Variants in CTDP1 observed in about 807,000 individuals in gnomAD.
The protein encoded by CTDP1 is RNA polymerase II subunit A C-terminal domain phosphatase.
In CTDP1, 47 loss-of-function variants were observed where a neutral mutation model predicts 91.8. That is an observed-to-expected ratio of 0.51 (90% confidence interval 0.41 to 0.65). CTDP1 has a LOEUF of 0.65. Ranked by LOEUF, CTDP1 falls within the 30% of genes least tolerant of loss-of-function variation. CTDP1 has a pLI of 0.00. For synonymous variants in CTDP1, 656 were observed against 598.5 expected (o/e 1.10, Z -1.40); for missense variants, 1,272 against 1,373.7 (o/e 0.93, Z 1.17).
rs1286863341 is a variant in CTDP1 at position 79,713,959 on chromosome 18, C to T, written c.1031-532C>T. Among the ~76,000 whole-genome samples, 3 of 141,400 alleles carry T rather than the reference C, an allele frequency of 2.1e-5. No homozygotes were observed. Among genetic ancestry groups the T allele is most frequent in the Non-Finnish European group, 4.7e-5 (3 of 63,910 alleles). 92.8% of individuals were successfully genotyped at this position (141,400 alleles called of 152,430 possible). On this transcript the variant is annotated intron_variant, in intron 7 of 12. Transcript: ENST00000613122. The surrounding 1 kb of genome is among the most constrained non-coding windows in gnomAD (Gnocchi z 4.7). ...CCAGGTCTGCAGGGGCTTACGGCCA[C>T]GGTGGCGCCAGGTCTGCAGGGGCTT...
chr18:79,753,202 A>T (rs991026280), intron 12 of CTDP1, among the ~76,000 whole-genome samples: 1 of 152,230 alleles, frequency 6.6e-6, no homozygotes, highest in Non-Finnish European at 1.5e-5. Flanking sequence ...CTCTTTGTTT[A>T]TTAAGAGTCA....
In CTDP1 at chr18:79,680,772, C is replaced by T. The variant is rs533383235; in HGVS notation, c.314+511C>T. ...CCCAGGCCTGCAGCGAAGGCAGTAG[C>T]CCCGTGGTTGACCACAGTGGGCATT... On this transcript the variant is annotated intron_variant, in intron 1 of 12. Coordinates refer to ENST00000613122, the MANE Select transcript of CTDP1 (RefSeq NM_004715.5). The T allele has an allele frequency of 1.2e-4, 19 of 152,582 alleles. No individual in the cohort carries two copies. The South Asian group carries it at 2.1e-3, about 17-fold the overall frequency. The allele number at this position is 152,582 out of a possible 1,614,324, so 9.5% of individuals were successfully genotyped here. A position where few individuals can be genotyped will look rare whatever the true frequency, so the allele number is the denominator to read the frequency against.
chr18:79,733,038 C>T (rs2086596752), intron 11 of CTDP1, among the ~76,000 whole-genome samples: 1 of 152,244 alleles, frequency 6.6e-6, no homozygotes, highest in Non-Finnish European at 1.5e-5. Flanking sequence ...GTCCCTGAGT[C>T]TCCTCGTGGT....
intron 1 of CTDP1, among the ~76,000 whole-genome samples, chr18:79,688,985 C>G (rs2085565693): frequency 6.6e-6 from 1 of 152,248 alleles, no homozygotes; most frequent in African/African-American, 2.4e-5. Context: ...GCACATTTTT[C>G]TGGAGTTGGA....
chr18:79,745,348 C>T (rs1191170121), intron 12 of CTDP1, among the ~76,000 whole-genome samples: 14 of 75,228 alleles, frequency 1.9e-4, no homozygotes, highest in East Asian at 5.1e-4. Context: ...TCTGTGCCCG[C>T]GTCCCTCCCG....
chr18:79,739,496 C>T (rs913544151), intron 12 of CTDP1, among the ~76,000 whole-genome samples: 6 of 152,088 alleles, frequency 3.9e-5, no homozygotes, highest in Admixed American at 6.5e-5. Context: ...CACGCAAGCA[C>T]GGAACTGACC....
At chr18:79,714,229 G>C (rs1052880945) in intron 7 of CTDP1, among the ~76,000 whole-genome samples, 41 of 152,152 alleles carry the variant, frequency 2.7e-4, no homozygotes, top group African/African-American at 9.7e-4. Flanking sequence ...TGGATTTTTT[G>C]GATTGGGGAT....
At chr18:79,744,672 G>A (rs534865418) in intron 12 of CTDP1, among the ~76,000 whole-genome samples, 8 of 152,314 alleles carry the variant, frequency 5.3e-5, no homozygotes, top group East Asian at 1.9e-4. Context: ...TGGATCCATC[G>A]GGAAGAGTGA....
At chr18:79,743,728 G>T (rs1464029780) in intron 12 of CTDP1, among the ~76,000 whole-genome samples, 7 of 152,220 alleles carry the variant, frequency 4.6e-5, no homozygotes, top group Admixed American at 4.6e-4. Context: ...AATTAGGCCA[G>T]CATGAGTCCA....
chr18:79,753,729 G>A lies in CTDP1; in HGVS notation c.2825G>A (p.Ser942Asn), dbSNP rs766384453. The change falls in exon 13 of 13, where the codon AGC becomes AAC. Residue 942 changes from serine to asparagine, a missense_variant. Around this residue, in one of 3 missense-constraint regions of CTDP1, gnomAD observed 881 missense variants for 911.6 expected, o/e 0.97. Coordinates refer to ENST00000613122, the MANE Select transcript of CTDP1 (RefSeq NM_004715.5). ...SRESSNEDEGSSSEADEMAKA... is the reference protein window; with the variant it reads ...SRESSNEDEGNSSEADEMAKA... Reference sequence around the variant, plus strand: ...GAGTCCAGCAACGAGGATGAGGGCAGCAGCTCCGAGGCCGACGAGATGGCC... The same window carrying A: ...GAGTCCAGCAACGAGGATGAGGGCAACAGCTCCGAGGCCGACGAGATGGCC... 8 of 1,613,910 alleles carry A rather than the reference G, an allele frequency of 5.0e-6. No individual in the cohort carries two copies. The African/African-American group carries it at 1.1e-4, about 22-fold the overall frequency.
intron 1 of CTDP1, among the ~76,000 whole-genome samples, chr18:79,686,491 T>C (rs2085496646): frequency 6.6e-6 from 1 of 152,246 alleles, no homozygotes; most frequent in Admixed American, 6.5e-5. Context: ...ATGCACATTT[T>C]AAAGGTTATG....
chr18:79,680,308 A>G (rs2085333470), intron 1 of CTDP1, 47 bp downstream of exon 1: 3 of 1,233,212 alleles, frequency 2.4e-6, no homozygotes, highest in Non-Finnish European at 3.0e-6. Flanking sequence ...GGCTCCGGGG[A>G]GGGATCCTGG....
chr18:79,716,005 C>T (rs570290659), intron 8 of CTDP1, among the ~76,000 whole-genome samples: 375 of 152,308 alleles, frequency 2.5e-3, no homozygotes, highest in Non-Finnish European at 3.8e-3. Context: ...CTGTCCCGGA[C>T]GGGGCAGGCT....
In CTDP1 at chr18:79,736,463, C is replaced by T. The variant is rs1023431489; in HGVS notation, c.2689C>T (p.Arg897Trp). 8.4e-6 allele frequency: 13 copies of T among 1,548,742 alleles called. No individual in the cohort carries two copies. The highest frequency in any genetic ancestry group is 3.6e-5 in the South Asian group (3 of 83,968). Residue 897 changes from arginine (R) to tryptophan (W), a missense_variant, in exon 12 of 13, where the codon CGG becomes TGG. This residue lies in a region of CTDP1 where 881 missense variants were observed against 911.6 expected (regional missense o/e 0.97). Transcript: ENST00000613122. ...CCGGAAGCCAGGGACCCGCAGGGAG[C>T]GGACGCTCGGGGCACCTGCGTCCAG... ...QPRKPGTRRERTLGAPASSER... is the reference protein window; with the variant it reads ...QPRKPGTRREWTLGAPASSER...
intron 8 of CTDP1, among the ~76,000 whole-genome samples, chr18:79,717,315 GGT>G (rs1297658209): frequency 1.3e-5 from 2 of 150,472 alleles, no homozygotes. Flanking sequence ...GCCTTGGTGG[GGT>G]GCAGCCGGGT....
chr18:79,708,146 C>T (rs555273405), intron 5 of CTDP1, among the ~76,000 whole-genome samples: 4 of 152,300 alleles, frequency 2.6e-5, no homozygotes, highest in South Asian at 4.1e-4. Flanking sequence ...GCATTTGAAA[C>T]GTCTGGAGGT....
At chr18:79,725,748 G>A (rs2122713574) in intron 10 of CTDP1, among the ~76,000 whole-genome samples, 1 of 151,996 alleles carries the variant, frequency 6.6e-6, no homozygotes, top group Admixed American at 6.5e-5. Context: ...CTCGGGGCAG[G>A]CCTGGGCCCT....
chr18:79,754,651 C>T (rs575788793), downstream of CTDP1: 1 of 152,402 alleles, frequency 6.6e-6, no homozygotes, highest in Admixed American at 6.5e-5. Context: ...GAACTGCGAG[C>T]GTGATGATCT....
intron 10 of CTDP1, among the ~76,000 whole-genome samples, chr18:79,720,356 A>G (rs2086315957): frequency 7.7e-6 from 1 of 129,656 alleles, no homozygotes; most frequent in African/African-American, 3.0e-5. Flanking sequence ...CCTGGTGATG[A>G]TGTCACCTCC....
Sources: allele counts gnomAD v4.1 joint callset (sites outside exome capture counted in the v4.1 genomes callset), GRCh38; gene constraint gnomAD v4.1.1; regional missense constraint gnomAD v4.1.1; non-coding constraint Gnocchi (gnomAD v3.1); transcripts MANE v1.5; gene names NCBI Gene and HGNC (gene_info 2026-07-23, HGNC 2026-07-21).